ZNF804B: variants seen among roughly 807,000 people sequenced by gnomAD.
ZNF804B encodes zinc finger protein 804B.
In ZNF804B, 80 loss-of-function variants were observed where a neutral mutation model predicts 101.4. The ratio of observed to expected loss-of-function variants is 0.79; its 90% confidence interval spans 0.66 to 0.95. The LOEUF (loss-of-function observed/expected upper bound fraction) is 0.95, where lower values mean the gene tolerates loss of function less well. Ranked by LOEUF, ZNF804B falls within the 40% of genes least tolerant of loss-of-function variation. ZNF804B has a pLI of 0.00. For missense variants in ZNF804B, 1,673 were observed against 1,561.9 expected (o/e 1.07, Z -1.20); for synonymous variants, 622 against 558.8 (o/e 1.11, Z -1.59).
At chr7:89,048,550 A>T (rs1334069685) in intron 1 of ZNF804B, among the ~76,000 whole-genome samples, 1 of 151,786 alleles carries the variant, frequency 6.6e-6, no homozygotes, top group African/African-American at 2.4e-5. Flanking sequence ...CAATATTATG[A>T]TTGTTGCAAT....
chr7:89,232,805 CA>C (rs1789213278), intron 2 of ZNF804B, among the ~76,000 whole-genome samples: 2 of 152,254 alleles, frequency 1.3e-5, no homozygotes, highest in South Asian at 4.1e-4. Context: ...GTAATCTTTA[CA>C]AACAAAATCT....
chr7:89,026,266 G>T (rs1488670099), intron 1 of ZNF804B, among the ~76,000 whole-genome samples: 1 of 152,130 alleles, frequency 6.6e-6, no homozygotes, highest in Admixed American at 6.6e-5. Flanking sequence ...TCAATAATTA[G>T]ATAGGTCAAG....
chr7:89,290,293 A>T, intron 2 of ZNF804B, among the ~76,000 whole-genome samples: 1 of 152,182 alleles, frequency 6.6e-6, no homozygotes, highest in East Asian at 1.9e-4. Context: ...CCAAGATCTG[A>T]TGGCTACAGT....
rs781161016 is a variant in ZNF804B, at chr7:89,334,915, C to T, written c.1933C>T (p.His645Tyr). 7.4e-6 allele frequency: 12 copies of T among 1,613,728 alleles called. No homozygotes were observed. The African/African-American group carries it at 8.0e-5, about 11-fold the overall frequency. Reference protein sequence around the residue: ...KKHKLIPCSPHLEFEDERQFN... With the variant: ...KKHKLIPCSPYLEFEDERQFN... The stretch of plus-strand genomic sequence containing the variant: ...GCATAAATTGATTCCCTGCAGTCCT[C>T]ATTTGGAATTTGAAGATGAAAGACA... The change falls in exon 4 of 4, where the codon CAT becomes TAT. Residue 645 changes from histidine (H) to tyrosine (Y), a missense_variant. Physicochemically the swap from His to Tyr is moderately conservative, Grantham distance 83. Transcript: ENST00000333190.
chr7:88,912,719 C>T lies in ZNF804B; in HGVS notation c.108+152635C>T, dbSNP rs534527336. ...AAATTTTCACATAATAGCCTATCTT[C>T]TCAATACGTTTGTAAGTATATTGAG... On this transcript the variant is annotated intron_variant, in intron 1 of 3. Transcript: ENST00000333190. Among the ~76,000 whole-genome samples the T allele has an allele frequency of 1.1e-4, 16 of 152,222 alleles. 1 individual carries two copies. The South Asian group carries it at 2.5e-3, about 24-fold the overall frequency.
intron 1 of ZNF804B, among the ~76,000 whole-genome samples, chr7:88,980,412 T>C (rs1445465076): frequency 6.6e-6 from 1 of 152,042 alleles, no homozygotes; most frequent in Non-Finnish European, 1.5e-5. Context: ...ATCGTAGTCT[T>C]CACAGTCTTG....
chr7:88,871,279 G>A (rs1461162291), intron 1 of ZNF804B, among the ~76,000 whole-genome samples: 4 of 151,938 alleles, frequency 2.6e-5, no homozygotes, highest in African/African-American at 9.7e-5. Flanking sequence ...TATCTATTAG[G>A]GAATCTGAAC....
intron 1 of ZNF804B, among the ~76,000 whole-genome samples, chr7:88,837,315 G>A (rs1791227732): frequency 6.6e-6 from 1 of 151,936 alleles, no homozygotes; most frequent in South Asian, 2.1e-4. Context: ...TAAAATTGAA[G>A]CTGTCAAATG....
chr7:88,788,367 C>T (rs1790333498), intron 1 of ZNF804B, among the ~76,000 whole-genome samples: 1 of 152,162 alleles, frequency 6.6e-6, no homozygotes, highest in South Asian at 2.1e-4. Flanking sequence ...TTCAACACAC[C>T]AAGCTTGCTC....
At chr7:89,129,796 G>C (rs1790520445) in intron 1 of ZNF804B, among the ~76,000 whole-genome samples, 1 of 152,024 alleles carries the variant, frequency 6.6e-6, no homozygotes, top group African/African-American at 2.4e-5. Flanking sequence ...CTGGGCTCCA[G>C]AGCACGTGCT....
At chr7:88,954,560 C>T (rs909998605) in intron 1 of ZNF804B, among the ~76,000 whole-genome samples, 1 of 151,090 alleles carries the variant, frequency 6.6e-6, no homozygotes, top group Non-Finnish European at 1.5e-5. Flanking sequence ...AACATGCCCC[C>T]CCCCCACCAC....
intron 1 of ZNF804B, among the ~76,000 whole-genome samples, chr7:88,792,493 C>T (rs954008752): frequency 1.3e-5 from 2 of 152,162 alleles, no homozygotes; most frequent in Admixed American, 6.6e-5. Context: ...CTCGTCTTCT[C>T]TCCCAAACCA....
At chr7:88,854,439 C>CTTTCTTTCTT (rs1791508924) in intron 1 of ZNF804B, among the ~76,000 whole-genome samples, 7 of 125,690 alleles carry the variant, frequency 5.6e-5, no homozygotes, top group Admixed American at 5.1e-4. Flanking sequence ...TTCTTTCTTT[C>CTTTCTTTCTT]TTTCTTTCTT....
chr7:88,984,160 CAG>C (rs1233084108), intron 1 of ZNF804B, among the ~76,000 whole-genome samples: 12 of 152,178 alleles, frequency 7.9e-5, no homozygotes, highest in African/African-American at 2.6e-4. Flanking sequence ...CACTCTAGCA[CAG>C]AGATATGTGG....
chr7:89,266,798 ATTAT>A (rs1410162399), intron 2 of ZNF804B, among the ~76,000 whole-genome samples: 2 of 152,018 alleles, frequency 1.3e-5, no homozygotes, highest in Non-Finnish European at 2.9e-5. Context: ...CATAAAAATA[ATTAT>A]TTATCCTTTT....
chr7:88,860,102 T>C (rs75922878), intron 1 of ZNF804B, among the ~76,000 whole-genome samples: 44 of 152,140 alleles, frequency 2.9e-4, no homozygotes, highest in African/African-American at 1.1e-3. Context: ...ACTTCAGATA[T>C]AATTAAGAAC....
intron 1 of ZNF804B, among the ~76,000 whole-genome samples, chr7:88,811,043 C>T (rs1790777297): frequency 1.3e-5 from 2 of 151,494 alleles, no homozygotes; most frequent in South Asian, 4.2e-4. Context: ...TTAGAATGCC[C>T]ATCTCAGAAT....
At chr7:89,105,758 C>G (rs899521834) in intron 1 of ZNF804B, among the ~76,000 whole-genome samples, 2 of 152,118 alleles carry the variant, frequency 1.3e-5, no homozygotes, top group Non-Finnish European at 2.9e-5. Flanking sequence ...TCTCACAGGT[C>G]CCCAAGGATA....
chr7:88,994,716 A>AGATTTTCCCTAC lies in ZNF804B; in HGVS notation c.109-223439_109-223438insGATTTTCCCTAC, dbSNP rs1793895578. ...TCCCTACTTTGTTGGTTCATCATAG[A>AGATTTTCCCTAC]TTTGATGCTACAGTTTCTCAACAAC... On this transcript the variant is annotated intron_variant, in intron 1 of 3. Coordinates refer to ENST00000333190, the MANE Select transcript of ZNF804B (RefSeq NM_181646.5). Among the ~76,000 whole-genome samples the AGATTTTCCCTAC allele has an allele frequency of 2.6e-5, 4 of 152,052 alleles. 1 individual carries two copies. Among genetic ancestry groups the AGATTTTCCCTAC allele is most frequent in the Admixed American group, 2.6e-4 (4 of 15,222 alleles).
Sources: gnomAD v4.1 joint callset for allele counts (sites outside exome capture counted in the v4.1 genomes callset) on GRCh38, gnomAD v4.1.1 for gene constraint, MANE v1.5 for transcripts, NCBI Gene and HGNC (gene_info 2026-07-23, HGNC 2026-07-21) for gene names.